CCDC197: variants seen among roughly 807,000 people sequenced by gnomAD.
The protein encoded by CCDC197 is coiled-coil domain containing 197.
In CCDC197, 24 loss-of-function variants were observed where a neutral mutation model predicts 13.4. The ratio of observed to expected loss-of-function variants is 1.80; its 90% CI spans 1.30 to 2.53. The LOEUF (loss-of-function observed/expected upper bound fraction) is 2.53, where lower values mean the gene tolerates loss of function less well. Ranked by LOEUF, CCDC197 falls within the 30% of genes most tolerant of loss-of-function variation. CCDC197 has a pLI of 0.00. For synonymous variants in CCDC197, 99 were observed against 55.5 expected (o/e 1.78, Z -3.48); for missense variants, 255 against 148.8 (o/e 1.71, Z -3.71).
At chr14:93,993,594 C>A (rs1890241576), upstream of CCDC197, among the ~76,000 whole-genome samples, 1 of 152,230 alleles carries the variant, frequency 6.6e-6, no homozygotes, top group African/African-American at 2.4e-5. Flanking sequence ...CCGGCCTTGG[C>A]CCTGTTTAGG....
intron 1 of CCDC197, among the ~76,000 whole-genome samples, chr14:93,988,424 C>A (rs1195754033): frequency 1.9e-5 from 1 of 52,106 alleles, no homozygotes; most frequent in African/African-American, 8.9e-5. Flanking sequence ...ATGGGAGGAG[C>A]AGATGGGAGG....
At chr14:94,009,846 G>C (rs1475519003), downstream of CCDC197, among the ~76,000 whole-genome samples, 1 of 152,200 alleles carries the variant, frequency 6.6e-6, no homozygotes, top group Non-Finnish European at 1.5e-5. Context: ...CTTTCGTTGT[G>C]CCACTGGGGT....
intron 1 of CCDC197, among the ~76,000 whole-genome samples, chr14:93,988,144 G>A (rs1205360619): frequency 7.6e-6 from 1 of 131,300 alleles, no homozygotes; most frequent in Non-Finnish European, 1.6e-5. Context: ...GAGTGGTAGG[G>A]GAGTCTAGAA....
chr14:93,989,471 A>G (rs751224850), intron 1 of CCDC197, among the ~76,000 whole-genome samples: 3 of 152,194 alleles, frequency 2.0e-5, no homozygotes, highest in Non-Finnish European at 4.4e-5. Flanking sequence ...AGGAGCCATC[A>G]GTGGCCCTGG....
intron 6 of CCDC197, chr14:94,006,988 C>T (rs1243331374): frequency 6.6e-6 from 1 of 151,994 alleles, no homozygotes; most frequent in East Asian, 1.9e-4. Context: ...CCACACCTGG[C>T]TAATTTTTGT....
At position 94,003,083 on chromosome 14, in the gene CCDC197, G is replaced by C; in HGVS notation, c.367-140G>C. ...TGGACACGCCCTTTTCTGCATCTCT[G>C]GTGCCTTGAATGGCCCCAGCCACCC... On this transcript the variant is annotated intron_variant, in intron 4 of 6. Coordinates refer to ENST00000636493, the MANE Select transcript of CCDC197 (RefSeq NM_001351596.2). The surrounding 1 kb of genome is among the most constrained non-coding windows in gnomAD (Gnocchi z 5.0). The C allele has an allele frequency of 1.7e-6, 1 of 585,792 alleles. No homozygotes were observed. The highest frequency in any genetic ancestry group is 3.0e-6 in the Non-Finnish European group (1 of 327,992). The allele number at this position is 585,792 out of a possible 1,614,324, so 36.3% of individuals were successfully genotyped here. A position where few individuals can be genotyped will look rare whatever the true frequency, so the allele number is the denominator to read the frequency against.
upstream of CCDC197, among the ~76,000 whole-genome samples, chr14:93,994,541 C>T (rs944483957): frequency 7.2e-5 from 11 of 152,180 alleles, no homozygotes; most frequent in South Asian, 2.1e-4. Context: ...GTGGGAGAAA[C>T]GGCTCCCAAG....
At chr14:93,997,892 G>C in intron 1 of CCDC197, 107 bp from the exon 2 acceptor site, 1 of 538,864 alleles carries the variant, frequency 1.9e-6, no homozygotes, top group East Asian at 3.2e-5. Context: ...GCAGCCCGAA[G>C]ACCTTGGACT....
intron 1 of CCDC197, among the ~76,000 whole-genome samples, chr14:93,989,073 C>T (rs1001879301): frequency 1.3e-5 from 2 of 151,832 alleles, no homozygotes; most frequent in East Asian, 1.9e-4. Context: ...GGGGTCCATG[C>T]GAGAGATGGT....
chr14:93,993,968 C>T (rs1047386524), upstream of CCDC197, among the ~76,000 whole-genome samples: 7 of 152,144 alleles, frequency 4.6e-5, no homozygotes, highest in Admixed American at 2.6e-4. Context: ...GTTCCTTTCA[C>T]CCTCCATGTA....
intron 6 of CCDC197, among the ~76,000 whole-genome samples, chr14:94,006,121 A>G (rs1246339184): frequency 2.0e-5 from 3 of 152,152 alleles, no homozygotes; most frequent in Admixed American, 6.5e-5. Flanking sequence ...CCCCATGATC[A>G]ATGTACGAGG....
chr14:93,996,046 T>C (rs769378773), upstream of CCDC197, among the ~76,000 whole-genome samples: 1 of 152,168 alleles, frequency 6.6e-6, no homozygotes. Flanking sequence ...CCTTCCCACC[T>C]TCTCCTTTCA....
At chr14:94,001,888 C>T (rs1334814046) in intron 4 of CCDC197, among the ~76,000 whole-genome samples, 2 of 152,112 alleles carry the variant, frequency 1.3e-5, no homozygotes, top group Admixed American at 1.3e-4. Context: ...CTTCGGGATC[C>T]CAGAGGAAGG....
upstream of CCDC197, among the ~76,000 whole-genome samples, chr14:93,996,249 T>C (rs1292969996): frequency 6.7e-6 from 1 of 149,460 alleles, no homozygotes; most frequent in East Asian, 1.9e-4. Flanking sequence ...ACCCTTCACC[T>C]TCATTCTCAG....
chr14:94,005,494 C>A (rs1044739826), intron 6 of CCDC197, among the ~76,000 whole-genome samples: 1 of 152,172 alleles, frequency 6.6e-6, no homozygotes, highest in Non-Finnish European at 1.5e-5. Context: ...CACTGGGCTT[C>A]TTTCCTCACC....
At chr14:93,987,460 G>C (rs148657002) in intron 1 of CCDC197, 50 of 152,744 alleles carry the variant, frequency 3.3e-4, no homozygotes, top group African/African-American at 1.0e-3. Flanking sequence ...AGCCCCAGAC[G>C]ACTTGCGCAG....
intron 3 of CCDC197, among the ~76,000 whole-genome samples, chr14:94,000,400 T>A (rs1459383490): frequency 6.6e-6 from 1 of 152,042 alleles, no homozygotes; most frequent in Non-Finnish European, 1.5e-5. Flanking sequence ...CTGTACTAAG[T>A]GCTAGAATGA....
Position 94,008,817 on chromosome 14 carries a change from C to G in CCDC197, c.*5C>G, listed in dbSNP as rs772459894. 4.0e-5 allele frequency: 28 copies of G among 694,462 alleles called. No individual in the cohort carries two copies. The Middle Eastern group carries it at 4.2e-3, about 105-fold the overall frequency. The allele number at this position is 694,462 out of a possible 1,614,324, so 43.0% of individuals were successfully genotyped here. A position where few individuals can be genotyped will look rare whatever the true frequency, so the allele number is the denominator to read the frequency against. On this transcript the variant is annotated 3_prime_UTR_variant, in exon 7 of 7. Transcript: ENST00000636493. The stretch of plus-strand genomic sequence containing the variant: ...GAGTGCTCCGGCCTGTACTGACCAG[C>G]CTGCGCCTTGCAGGCCCCATGGCAT...
Position 93,998,115 on chromosome 14 carries a change from C to A in CCDC197, c.-17C>A, listed in dbSNP as rs762285189. 1.3e-6 allele frequency: 1 copy of A among 780,474 alleles called. No homozygotes were observed. Among genetic ancestry groups the A allele is most frequent in the South Asian group, 1.3e-5 (1 of 74,604 alleles). 48.3% of individuals were successfully genotyped at this position (780,474 alleles called of 1,614,324 possible). A position where few individuals can be genotyped will look rare whatever the true frequency, so the allele number is the denominator to read the frequency against. ...ACGGGTCTCCTGTCCTCCTGCATAG[C>A]TTGCGGTGGTGAGGTGATGGCAGCC... On this transcript the variant is annotated 5_prime_UTR_variant, in exon 2 of 7. Coordinates refer to ENST00000636493, the MANE Select transcript of CCDC197 (RefSeq NM_001351596.2).
Sources: gnomAD v4.1 joint callset for allele counts (sites outside exome capture counted in the v4.1 genomes callset) on GRCh38, gnomAD v4.1.1 for gene constraint, Gnocchi (gnomAD v3.1) non-coding constraint, MANE v1.5 for transcripts, NCBI Gene and HGNC (gene_info 2026-07-23, HGNC 2026-07-21) for gene names.